The following GALNT13 variants were observed in gnomAD, a reference collection of about 807,000 sequenced individuals.
GALNT13 encodes UDP-GalNAc:polypeptide N-acetylgalactosaminyltransferase 13.
GALNT13 carries 28 observed loss-of-function variants against 64.2 expected under a neutral mutation model. The ratio of observed to expected loss-of-function variants is 0.44; its 90% confidence interval spans 0.32 to 0.60. GALNT13 has a LOEUF of 0.60. Among genes scored for constraint, GALNT13 ranks in the 20% least tolerant of loss-of-function variants. The pLI, the probability that GALNT13 is intolerant of heterozygous loss-of-function variation, is 0.05. For missense variants in GALNT13, 577 were observed against 669.8 expected (o/e 0.86, Z 1.53); for synonymous variants, 214 against 224.6 (o/e 0.95, Z 0.42).
At chr2:154,416,328 C>T (rs1191722961) in intron 11 of GALNT13, among the ~76,000 whole-genome samples, 1 of 152,088 alleles carries the variant, frequency 6.6e-6, no homozygotes. Flanking sequence ...CTTCTTCTTG[C>T]ATGCTCACAT....
At chr2:153,344,824 C>G in the GALNT13 span, among the ~76,000 whole-genome samples, 1 of 152,100 alleles carries the variant, frequency 6.6e-6, no homozygotes, top group Non-Finnish European at 1.5e-5. Context: ...AGTCATTTCA[C>G]TATGTATGCA....
At chr2:153,254,056 C>T in the GALNT13 span, among the ~76,000 whole-genome samples, 1 of 152,064 alleles carries the variant, frequency 6.6e-6, no homozygotes, top group African/African-American at 2.4e-5. Context: ...CCAGTTCCTC[C>T]TTGTACCTCT....
the GALNT13 span, among the ~76,000 whole-genome samples, chr2:153,547,938 T>C: frequency 6.6e-6 from 1 of 152,162 alleles, no homozygotes; most frequent in African/African-American, 2.4e-5. Context: ...GCTGTAAAAA[T>C]GGAAAGAGAT....
At chr2:153,384,004 A>C in the GALNT13 span, among the ~76,000 whole-genome samples, 1 of 85,396 alleles carries the variant, frequency 1.2e-5, no homozygotes, top group African/African-American at 2.8e-5. Context: ...TTGAATTCAC[A>C]TCAGAACTTT....
chr2:153,515,611 G>A, the GALNT13 span, among the ~76,000 whole-genome samples: 32 of 152,268 alleles, frequency 2.1e-4, no homozygotes, highest in Admixed American at 2.0e-3. Context: ...ACAGCTTGGC[G>A]ATTGACATGC....
chr2:154,337,278 A>G (rs1044912932), intron 9 of GALNT13, among the ~76,000 whole-genome samples: 2 of 152,142 alleles, frequency 1.3e-5, no homozygotes, highest in African/African-American at 2.4e-5. Context: ...ACAGAGTAAT[A>G]TATGTTCACT....
the GALNT13 span, among the ~76,000 whole-genome samples, chr2:153,620,581 AT>A: frequency 6.6e-6 from 1 of 151,770 alleles, no homozygotes; most frequent in African/African-American, 2.4e-5. Context: ...TGCCAATTGT[AT>A]TTTTTAGCTC....
the GALNT13 span, among the ~76,000 whole-genome samples, chr2:153,417,625 G>T: frequency 6.6e-6 from 1 of 152,174 alleles, no homozygotes; most frequent in Non-Finnish European, 1.5e-5. Context: ...GAGTCTATGG[G>T]TGTTGTTCTA....
rs139745250 is a variant in GALNT13, at chr2:153,998,593, T to A, written c.142+53954T>A. Among the ~76,000 whole-genome samples the A allele has an allele frequency of 7.0e-4, 106 of 152,296 alleles. 2 individuals carry two copies. In the East Asian group the frequency reaches 0.016, roughly 23 times the overall value. ...CAAAAATGTTTACCCATTCTGTAGG[T>A]TGCCTGTTCACTCTGTTGATAGTTT... On this transcript the variant is annotated intron_variant, in intron 3 of 12. Transcript: ENST00000392825.
At chr2:154,420,930 C>T (rs553971855) in intron 11 of GALNT13, among the ~76,000 whole-genome samples, 195 of 152,242 alleles carry the variant, frequency 1.3e-3, no homozygotes, top group African/African-American at 4.6e-3. Flanking sequence ...CTTCATCTTA[C>T]TGCATTTGCA....
At chr2:154,031,616 A>G (rs1698344110) in intron 3 of GALNT13, among the ~76,000 whole-genome samples, 1 of 152,026 alleles carries the variant, frequency 6.6e-6, no homozygotes, top group Non-Finnish European at 1.5e-5. Context: ...TATTAATATC[A>G]TTAGACTTTA....
At chr2:153,313,593 G>T in the GALNT13 span, among the ~76,000 whole-genome samples, 1 of 152,066 alleles carries the variant, frequency 6.6e-6, no homozygotes, top group Non-Finnish European at 1.5e-5. Flanking sequence ...AATAACTAAT[G>T]GGTACTAGGC....
chr2:154,017,744 T>A (rs1424473300), intron 3 of GALNT13, among the ~76,000 whole-genome samples: 4 of 152,224 alleles, frequency 2.6e-5, no homozygotes, highest in Non-Finnish European at 5.9e-5. Context: ...GAACAAGTTT[T>A]ACTATTTTTG....
intron 1 of GALNT13, among the ~76,000 whole-genome samples, chr2:153,873,923 C>T (rs968116145): frequency 1.3e-5 from 2 of 151,912 alleles, no homozygotes; most frequent in Non-Finnish European, 2.9e-5. Flanking sequence ...GTTAAAGAAA[C>T]CTGCTGGTTC....
chr2:153,515,311 T>C, the GALNT13 span, among the ~76,000 whole-genome samples: 1 of 152,224 alleles, frequency 6.6e-6, no homozygotes, highest in Non-Finnish European at 1.5e-5. Context: ...CCTCTGCTCC[T>C]GCAGCAAATA....
chr2:153,545,426 G>A, the GALNT13 span, among the ~76,000 whole-genome samples: 2 of 152,160 alleles, frequency 1.3e-5, no homozygotes, highest in African/African-American at 2.4e-5. Context: ...CAAGACTGTT[G>A]GAGAAAATGC....
At chr2:153,267,228 C>G in the GALNT13 span, among the ~76,000 whole-genome samples, 13 of 152,302 alleles carry the variant, frequency 8.5e-5, no homozygotes, top group African/African-American at 2.9e-4. Flanking sequence ...AAGCTGCTTT[C>G]ACAGGCTGGT....
intron 3 of GALNT13, among the ~76,000 whole-genome samples, chr2:154,067,679 T>C (rs1700539942): frequency 6.6e-6 from 1 of 152,074 alleles, no homozygotes; most frequent in South Asian, 2.1e-4. Flanking sequence ...ACATTGGACT[T>C]AATCTGCATT....
chr2:153,429,419 T>G, the GALNT13 span, among the ~76,000 whole-genome samples: 1 of 152,204 alleles, frequency 6.6e-6, no homozygotes, highest in African/African-American at 2.4e-5. Context: ...TGTAATTAAC[T>G]TTAAAGAATT....
Sources: allele counts gnomAD v4.1 joint callset (sites outside exome capture counted in the v4.1 genomes callset), GRCh38; gene constraint gnomAD v4.1.1; transcripts MANE v1.5; gene names NCBI Gene and HGNC (gene_info 2026-07-23, HGNC 2026-07-21).